The following VPS52 variants were observed in gnomAD, a reference collection of about 807,000 sequenced individuals.
The protein encoded by VPS52 is vacuolar protein sorting-associated protein 52 homolog.
In VPS52, 56 loss-of-function variants were observed where a neutral mutation model predicts 98.7. The ratio of observed to expected loss-of-function variants is 0.57; its 90% confidence interval spans 0.46 to 0.71. The LOEUF (loss-of-function observed/expected upper bound fraction) is 0.71. VPS52 is among the 30% of genes least tolerant of loss of function. The pLI, the probability that VPS52 is intolerant of heterozygous loss-of-function variation, is 0.00. For synonymous variants in VPS52, 348 were observed against 346.4 expected (o/e 1.00, Z -0.05); for missense variants, 742 against 925.9 (o/e 0.80, Z 2.58).
Position 33,266,550 on chromosome 6 carries a change from G to C in VPS52, c.1281+7C>G, listed in dbSNP as rs906538286. The C allele has an allele frequency of 1.9e-6, 3 of 1,595,654 alleles. No individual in the cohort carries two copies. Among genetic ancestry groups the C allele is most frequent in the Admixed American group, 3.4e-5 (2 of 58,170 alleles). ...GTGTTGAATGGTACAGGAAACAGGA[G>C]TCTTACCAGGGTCATGCTGAGTGTA... On this transcript the variant is annotated splice_region_variant and intron_variant, in intron 12 of 19. Transcript: ENST00000445902.
chr6:33,262,908 G>A (rs1763799740), intron 17 of VPS52, among the ~76,000 whole-genome samples: 1 of 152,124 alleles, frequency 6.6e-6, no homozygotes, highest in Non-Finnish European at 1.5e-5. Context: ...CTGGGGAGAA[G>A]GTGGGGATGA....
At chr6:33,258,684 A>G (rs1763289080) in intron 17 of VPS52, among the ~76,000 whole-genome samples, 1 of 152,072 alleles carries the variant, frequency 6.6e-6, no homozygotes, top group Admixed American at 6.6e-5. Context: ...TCCCAGGTTC[A>G]GCGCCCCTGA....
At chr6:33,266,212 C>T (rs775903321) in intron 12 of VPS52, among the ~76,000 whole-genome samples, 1 of 147,330 alleles carries the variant, frequency 6.8e-6, no homozygotes, top group Non-Finnish European at 1.5e-5. Flanking sequence ...GTGCATGGCT[C>T]ACTGCAGCCT....
rs762706991 is a variant in VPS52, at chr6:33,266,561, G to A, written c.1277C>T (p.Thr426Ile). 1.3e-5 allele frequency: 21 copies of A among 1,604,332 alleles called. No individual in the cohort carries two copies. Among genetic ancestry groups the A allele is most frequent in the Non-Finnish European group, 1.5e-5 (18 of 1,175,102 alleles). ...HAVMGRTLSMTLKHLDSYLAD... is the reference protein window; with the variant it reads ...HAVMGRTLSMILKHLDSYLAD... Reference sequence around the variant, plus strand: ...TACAGGAAACAGGAGTCTTACCAGGGTCATGCTGAGTGTACGGCCCATGAC... The same window carrying A: ...TACAGGAAACAGGAGTCTTACCAGGATCATGCTGAGTGTACGGCCCATGAC... Residue 426 changes from threonine (T) to isoleucine (I), a missense_variant, in exon 12 of 20, where the codon ACC becomes ATC. This residue lies in a region of VPS52 where 590 missense variants were observed against 793.3 expected (regional missense o/e 0.74). Coordinates refer to ENST00000445902, the MANE Select transcript of VPS52 (RefSeq NM_022553.6).
intron 17 of VPS52, among the ~76,000 whole-genome samples, chr6:33,252,982 A>T (rs1316093382): frequency 2.0e-5 from 3 of 152,170 alleles, no homozygotes; most frequent in African/African-American, 7.2e-5. Context: ...CCATCTAATT[A>T]CACACTTATG....
Position 33,250,777 on chromosome 6 carries a change from G to T in VPS52, c.*64C>A. On this transcript the variant is annotated 3_prime_UTR_variant, in exon 20 of 20. Coordinates refer to ENST00000445902, the MANE Select transcript of VPS52 (RefSeq NM_022553.6). Reference sequence around the variant, plus strand: ...GAAGGGGTACCCCAGGTGAAGAAGGGTATGGAATGGGGTGCAGAAGTCCAT... The same window carrying T: ...GAAGGGGTACCCCAGGTGAAGAAGGTTATGGAATGGGGTGCAGAAGTCCAT... 6.4e-7 allele frequency: 1 copy of T among 1,573,030 alleles called. No individual in the cohort carries two copies. The highest frequency in any genetic ancestry group is 8.6e-7 in the Non-Finnish European group (1 of 1,156,928).
At chr6:33,266,135 CA>C (rs1340336442) in intron 12 of VPS52, among the ~76,000 whole-genome samples, 1 of 149,844 alleles carries the variant, frequency 6.7e-6, no homozygotes, top group East Asian at 2.0e-4. Flanking sequence ...GCTGGGATTA[CA>C]GGCGTAAGCC....
chr6:33,257,974 T>C (rs1013741055), intron 17 of VPS52, among the ~76,000 whole-genome samples: 1 of 152,074 alleles, frequency 6.6e-6, no homozygotes, highest in Non-Finnish European at 1.5e-5. Flanking sequence ...ATGATCACAC[T>C]ACTGCATTCC....
At chr6:33,264,519 G>C in intron 13 of VPS52, 22 bp from the exon 14 acceptor site, 1 of 1,613,642 alleles carries the variant, frequency 6.2e-7, no homozygotes, top group East Asian at 2.2e-5. Context: ...ATCAGAATCA[G>C]AGGTCAGCCA....
chr6:33,253,016 T>C (rs73408061), intron 17 of VPS52, among the ~76,000 whole-genome samples: 6,790 of 152,110 alleles, frequency 0.045, 518 homozygotes, highest in African/African-American at 0.15. Context: ...ACAGAGGAAG[T>C]TTGGCCACAC....
chr6:33,255,587 T>A (rs1187083342), intron 17 of VPS52, among the ~76,000 whole-genome samples: 1 of 148,280 alleles, frequency 6.7e-6, no homozygotes, highest in Non-Finnish European at 1.5e-5. Flanking sequence ...ATCAAGACCA[T>A]CCTGGCTAAC....
At chr6:33,264,564 G>A in intron 13 of VPS52, 67 bp from the exon 14 acceptor site, 2 of 1,602,478 alleles carry the variant, frequency 1.2e-6, no homozygotes, top group Non-Finnish European at 1.7e-6. Context: ...GAGGGAGTGG[G>A]GCATCATTCA....
In VPS52 at chr6:33,263,263, CAAA is replaced by C. The variant is rs750569619; in HGVS notation, c.1794+218_1794+220del. On this transcript the variant is annotated intron_variant, in intron 17 of 19. Coordinates refer to ENST00000445902, the MANE Select transcript of VPS52 (RefSeq NM_022553.6). ...TGGGTGACAGAGTGACACTTTGCCT[CAAA>C]AAAAAAAAAAAAAAAAAACCAAAGA... Among the ~76,000 whole-genome samples the C allele has an allele frequency of 1.0e-3, 46 of 44,424 alleles. No homozygotes were observed. The East Asian group carries it at 0.026, about 25-fold the overall frequency. The allele number at this position is 44,424 out of a possible 152,430, so 29.1% of individuals were successfully genotyped here.
At chr6:33,255,978 C>A (rs991888392) in intron 17 of VPS52, among the ~76,000 whole-genome samples, 3 of 152,002 alleles carry the variant, frequency 2.0e-5, no homozygotes, top group Non-Finnish European at 4.4e-5. Flanking sequence ...AAAGGGTTCT[C>A]ACTATCACCT....
rs979953600 is a variant in VPS52 at position 33,270,463 on chromosome 6, T to C, written c.91-180A>G. ...CACTCTCCTATTTTGTGCTGATGGG[T>C]AAGGAATACGACAAGGAGTGAGACG... On this transcript the variant is annotated intron_variant, in intron 1 of 19. Transcript: ENST00000445902. Among the ~76,000 whole-genome samples, 5 of 152,100 alleles carry C rather than the reference T, an allele frequency of 3.3e-5. No homozygotes were observed. In the East Asian group the frequency reaches 9.6e-4, roughly 29 times the overall value.
chr6:33,271,856 T>C lies in VPS52; in HGVS notation c.-181A>G, dbSNP rs140820969. On this transcript the variant is annotated 5_prime_UTR_variant, in exon 1 of 20. Transcript: ENST00000445902. ...CTTCACCCAACTGCAAATGGAAATATGGAAGTCTGAAACACAAACTAGCCC... is the reference window on the plus strand; with the variant it reads ...CTTCACCCAACTGCAAATGGAAATACGGAAGTCTGAAACACAAACTAGCCC... 62 of 1,350,308 alleles carry C rather than the reference T, an allele frequency of 4.6e-5. No homozygotes were observed. Among genetic ancestry groups the C allele is most frequent in the Non-Finnish European group, 6.0e-5 (61 of 1,018,024 alleles). The allele number at this position is 1,350,308 out of a possible 1,614,324, so 83.6% of individuals were successfully genotyped here.
At chr6:33,260,913 T>C (rs1171758313) in intron 17 of VPS52, among the ~76,000 whole-genome samples, 1 of 151,770 alleles carries the variant, frequency 6.6e-6, no homozygotes, top group Admixed American at 6.6e-5. Flanking sequence ...GGCAGGAGAA[T>C]CACTTAACCT....
At position 33,270,663 on chromosome 6, in the gene VPS52, A is replaced by AG. The variant is rs1384553745; in HGVS notation, c.91-381dup. Among the ~76,000 whole-genome samples, 10 of 152,330 alleles carry AG rather than the reference A, an allele frequency of 6.6e-5. No homozygotes were observed. In the East Asian group the frequency reaches 1.9e-3, roughly 29 times the overall value. On this transcript the variant is annotated intron_variant, in intron 1 of 19. Transcript: ENST00000445902. ...AAAAAGGTAAAAGACAAGACAGTGC[A>AG]GTGGAGGCCGGACGCAGTGGCTCAC... is the stretch of plus-strand genomic sequence containing the variant.
In VPS52 at chr6:33,263,536, T is replaced by A; in HGVS notation, c.1742A>T (p.Asp581Val). ...MLGVLMERAA[D>V]DSKEVESFQQ... ...GAAGCTCTCAACCTCTTTGCTGTCA[T>A]CTGCAGCCCGCTCCTAAGGGAAGAC... The change falls in exon 17 of 20, where the codon GAT (aspartate) becomes GTT (valine). Residue 581 changes from aspartate to valine, a missense_variant. Physicochemically the swap from Asp to Val is radical, Grantham distance 152. Transcript: ENST00000445902. The A allele has an allele frequency of 1.2e-6, 2 of 1,614,074 alleles. No individual in the cohort carries two copies. The highest frequency in any genetic ancestry group is 1.7e-6 in the Non-Finnish European group (2 of 1,180,016).
Sources: allele counts gnomAD v4.1 joint callset (sites outside exome capture counted in the v4.1 genomes callset), GRCh38; gene constraint gnomAD v4.1.1; regional missense constraint gnomAD v4.1.1; transcripts MANE v1.5; gene names NCBI Gene and HGNC (gene_info 2026-07-23, HGNC 2026-07-21).